Variants in LEFTY2 observed in about 807,000 individuals in gnomAD.
LEFTY2 encodes TGF-beta-4.
LEFTY2 carries 10 observed loss-of-function variants against 26.4 expected under a neutral mutation model. That is an observed-to-expected ratio of 0.38 (90% CI 0.23 to 0.64). The LOEUF (loss-of-function observed/expected upper bound fraction) is 0.64. Ranked by LOEUF, LEFTY2 falls within the 30% of genes least tolerant of loss-of-function variation. The pLI is 0.56. For synonymous variants in LEFTY2, 204 were observed against 234.1 expected, an observed-to-expected ratio of 0.87 and a Z score of 1.17; for missense variants, 407 against 502.1, an observed-to-expected ratio of 0.81 and a Z score of 1.81.
Position 225,937,573 on chromosome 1 carries a change from C to G in LEFTY2, c.969G>C (p.Ser323=). The change falls in exon 4 of 4, where the codon TCG becomes TCC. Residue 323 remains serine (S), a synonymous_variant. Coordinates refer to ENST00000366820, the MANE Select transcript of LEFTY2 (RefSeq NM_003240.5). ...PRQCIASETA[S]LPMIVSIKEG... ...CCTTGATGCTGACGATCATGGGCAG[C>G]GAGGCAGTCTCCGAGGCGATACACT... 6.2e-7 allele frequency: 1 copy of G among 1,614,062 alleles called. No individual in the cohort carries two copies. The highest frequency in any genetic ancestry group is 1.1e-5 in the South Asian group (1 of 91,074).
chr1:225,939,950 G>T lies in LEFTY2; in HGVS notation c.303C>A (p.Phe101Leu). ...TGGGCGGCAGCCGCTGCTCCATGCC[G>T]AACACCAGCAGGTGTGTGCTGGCCT... Reference protein sequence around the residue: ...ASEASTHLLVFGMEQRLPPNS... With the variant: ...ASEASTHLLVLGMEQRLPPNS... Residue 101 changes from phenylalanine to leucine, a missense_variant, in exon 2 of 4, where the codon TTC (phenylalanine) becomes TTA (leucine). Coordinates refer to ENST00000366820, the MANE Select transcript of LEFTY2 (RefSeq NM_003240.5). The surrounding 1 kb of genome is among the most constrained non-coding windows in gnomAD (Gnocchi z 4.1). The T allele has an allele frequency of 6.3e-7, 1 of 1,594,618 alleles. No individual in the cohort carries two copies. Among genetic ancestry groups the T allele is most frequent in the South Asian group, 1.1e-5 (1 of 90,698 alleles).
In LEFTY2 at chr1:225,940,413, G is replaced by A. The variant is rs376260376; in HGVS notation, c.251-411C>T. 7.2e-5 allele frequency among the ~76,000 whole-genome samples: 11 copies of A among 152,200 alleles called. No individual in the cohort carries two copies. The East Asian group carries it at 1.9e-3, about 27-fold the overall frequency. On this transcript the variant is annotated intron_variant, in intron 1 of 3. Coordinates refer to ENST00000366820, the MANE Select transcript of LEFTY2 (RefSeq NM_003240.5). ...TATCCAAACACGCTTCTATCCACAA[G>A]GACTCACTTTGACGTTCACAGTGCT...
intron 1 of LEFTY2, 159 bp from the exon 2 acceptor site, chr1:225,940,161 T>C (rs1672285696): frequency 2.5e-6 from 3 of 1,214,796 alleles, no homozygotes; most frequent in East Asian, 2.5e-5. Context: ...TGGGCCTTGT[T>C]TAGTAACAAT....
Position 225,941,033 on chromosome 1 carries a change from C to T in LEFTY2, c.108G>A (p.Gln36=), listed in dbSNP as rs778815939. Residue 36 remains glutamine, a synonymous_variant, in exon 1 of 4, where the codon CAG becomes CAA. Coordinates refer to ENST00000366820, the MANE Select transcript of LEFTY2 (RefSeq NM_003240.5). Reference sequence around the variant, plus strand: ...TGTCCAGTACGGGCACCTCGCTGAGCTGCAGCTGCCGCAGCAGGCTGCCCA... The same window carrying T: ...TGTCCAGTACGGGCACCTCGCTGAGTTGCAGCTGCCGCAGCAGGCTGCCCA... ...QLLGSLLRQL[Q]LSEVPVLDRA... is the part of the protein sequence containing the mutation. 2 of 1,611,532 alleles carry T rather than the reference C, an allele frequency of 1.2e-6. No individual in the cohort carries two copies. The highest frequency in any genetic ancestry group is 2.2e-5 in the South Asian group (2 of 91,046).
At chr1:225,940,740 C>G (rs1018428329) in intron 1 of LEFTY2, 151 bp downstream of exon 1, 1 of 1,219,676 alleles carries the variant, frequency 8.2e-7, no homozygotes, top group Non-Finnish European at 1.1e-6. Context: ...GACCCAGGCC[C>G]GGCTCCTCCT....
intron 3 of LEFTY2, among the ~76,000 whole-genome samples, chr1:225,938,597 G>A (rs371323286): frequency 1.3e-5 from 2 of 151,854 alleles, no homozygotes; most frequent in South Asian, 2.1e-4. Flanking sequence ...CAGGTGACCC[G>A]CTGGCCTCCA....
In LEFTY2 at chr1:225,939,756, C is replaced by T. The variant is rs755899491; in HGVS notation, c.497G>A (p.Arg166Lys). 3.7e-5 allele frequency: 59 copies of T among 1,596,186 alleles called. No individual in the cohort carries two copies. Among genetic ancestry groups the T allele is most frequent in the Non-Finnish European group, 4.8e-5 (56 of 1,174,016 alleles). Residue 166 changes from arginine (R) to lysine (K), a missense_variant and splice_region_variant, in exon 2 of 4, where the codon AGG (arginine) becomes AAG (lysine). Arg to Lys is a conservative substitution (Grantham distance 26). Transcript: ENST00000366820. The surrounding 1 kb of genome is among the most constrained non-coding windows in gnomAD (Gnocchi z 4.1). ...GSNRTSLIDSRLVSVHESGWK... is the reference protein window; with the variant it reads ...GSNRTSLIDSKLVSVHESGWK... The stretch of plus-strand genomic sequence containing the variant: ...CCCTGCGCGCCCGCGCGACCCCCAC[C>T]TGGAGTCGATGAGGGAGGTGCGGTT...
At chr1:225,938,500 C>T (rs1353262443) in intron 3 of LEFTY2, among the ~76,000 whole-genome samples, 1 of 151,932 alleles carries the variant, frequency 6.6e-6, no homozygotes, top group Non-Finnish European at 1.5e-5. Context: ...ATTACAGGCG[C>T]CCGCCACCAC....
rs1305089837 is a variant in LEFTY2 at position 225,936,763 on chromosome 1, T to C, written c.*678A>G. On this transcript the variant is annotated 3_prime_UTR_variant, in exon 4 of 4. Transcript: ENST00000366820. ...GGGCAAGGCTCAGTCTCCAGAGGAG[T>C]GGGCAGGGGTAGGTAGGGGCTGTCT... 6.5e-6 allele frequency: 1 copy of C among 152,788 alleles called. No homozygotes were observed. Among genetic ancestry groups the C allele is most frequent in the African/African-American group, 2.4e-5 (1 of 41,322 alleles). The allele number at this position is 152,788 out of a possible 1,614,324, so 9.5% of individuals were successfully genotyped here.
intron 1 of LEFTY2, among the ~76,000 whole-genome samples, chr1:225,940,387 T>C (rs528805493): frequency 6.6e-6 from 1 of 152,346 alleles, no homozygotes; most frequent in South Asian, 2.1e-4. Flanking sequence ...TATTTTTCAG[T>C]TATCCAAACA....
Position 225,937,478 on chromosome 1 carries a change from G to A in LEFTY2, c.1064C>T (p.Ser355Leu), listed in dbSNP as rs766277265. The A allele has an allele frequency of 3.7e-6, 6 of 1,614,020 alleles. No homozygotes were observed. Among genetic ancestry groups the A allele is most frequent in the South Asian group, 2.2e-5 (2 of 91,072 alleles). The change falls in exon 4 of 4, where the codon TCG becomes TTG. Residue 355 changes from serine to leucine, a missense_variant. By Grantham distance (145) the Ser-to-Leu change is moderately radical (BLOSUM62 -2). Coordinates refer to ENST00000366820, the MANE Select transcript of LEFTY2 (RefSeq NM_003240.5). ...CCTCCTTGGCACGAGCGCCCCATCC[G>A]AGGCACAGCTGCACTTCTGCACCCT... ...NMRVQKCSCA[S>L]DGALVPRRLQ...
chr1:225,939,477 A>T lies in LEFTY2; in HGVS notation c.621T>A (p.His207Gln), dbSNP rs746743976. 9 of 1,611,042 alleles carry T rather than the reference A, an allele frequency of 5.6e-6. No individual in the cohort carries two copies. Among genetic ancestry groups the T allele is most frequent in the Non-Finnish European group, 7.6e-6 (9 of 1,179,332 alleles). Residue 207 changes from histidine to glutamine, a missense_variant, in exon 3 of 4, where the codon CAT becomes CAA. Transcript: ENST00000366820. The surrounding 1 kb of genome is among the most constrained non-coding windows in gnomAD (Gnocchi z 4.1). ...GGGCGCCGGACGCCAGCGGGCCCAG[A>T]TGCTCCCTCTGCACCGACACCTGTA... Reference protein sequence around the residue: ...LLLQVSVQREHLGPLASGAHK... With the variant: ...LLLQVSVQREQLGPLASGAHK...
In LEFTY2 at chr1:225,941,043, CGCA is replaced by C; in HGVS notation, c.95_97del (p.Leu32del). On this transcript the variant is annotated inframe_deletion, in exon 1 of 4. Coordinates refer to ENST00000366820, the MANE Select transcript of LEFTY2 (RefSeq NM_003240.5). ...GGGCACCTCGCTGAGCTGCAGCTGC[CGCA>C]GCAGGCTGCCCAGGAGCTGCTCCTC... 6.2e-7 allele frequency: 1 copy of C among 1,612,294 alleles called. No individual in the cohort carries two copies. The highest frequency in any genetic ancestry group is 8.5e-7 in the Non-Finnish European group (1 of 1,179,540).
At position 225,939,407 on chromosome 1, in the gene LEFTY2, C is replaced by G. The variant is rs1249268121; in HGVS notation, c.691G>C (p.Gly231Arg). 6.8e-6 allele frequency: 11 copies of G among 1,613,042 alleles called. No individual in the cohort carries two copies. The highest frequency in any genetic ancestry group is 2.7e-5 in the African/African-American group (2 of 74,928). Residue 231 changes from glycine (G) to arginine (R), a missense_variant, in exon 3 of 4, where the codon GGG becomes CGG. Gly to Arg is a moderately radical substitution (Grantham distance 125, BLOSUM62 -2). Transcript: ENST00000366820. The surrounding 1 kb of genome is among the most constrained non-coding windows in gnomAD (Gnocchi z 4.1). ...FASQGAPAGL[G>R]EPQLELHTLD... is the part of the protein sequence containing the mutation. ...GTGTGCAGCTCCAGCTGGGGCTCCC[C>G]AAGCCCGGCTGGCGCCCCCTGCGAG...
At position 225,937,144 on chromosome 1, in the gene LEFTY2, T is replaced by A. The variant is rs80180076; in HGVS notation, c.*297A>T. On this transcript the variant is annotated 3_prime_UTR_variant, in exon 4 of 4. Transcript: ENST00000366820. ...TTATTGTTCCAGACTCAGTGAAGAA[T>A]TTGCCAGAGAACAGAAACTCCCAGC... The A allele has an allele frequency of 1.9e-4, 99 of 532,948 alleles. 1 individual carries two copies. The East Asian group carries it at 2.4e-3, about 13-fold the overall frequency. 33.0% of individuals were successfully genotyped at this position (532,948 alleles called of 1,614,324 possible).
Position 225,937,360 on chromosome 1 carries a change from C to T in LEFTY2, c.*81G>A. 1 of 1,602,566 alleles carries T rather than the reference C, an allele frequency of 6.2e-7. No individual in the cohort carries two copies. Among genetic ancestry groups the T allele is most frequent in the Non-Finnish European group, 8.5e-7 (1 of 1,175,520 alleles). The stretch of plus-strand genomic sequence containing the variant: ...CACTAAATTGGGATGGAGTAACTTG[C>T]TAAGTATAAAGTTAAGACCTACATT... On this transcript the variant is annotated 3_prime_UTR_variant, in exon 4 of 4. Coordinates refer to ENST00000366820, the MANE Select transcript of LEFTY2 (RefSeq NM_003240.5).
chr1:225,939,517 C>T lies in LEFTY2; in HGVS notation c.581G>A (p.Arg194Gln). 4 of 1,610,800 alleles carry T rather than the reference C, an allele frequency of 2.5e-6. No individual in the cohort carries two copies. Among genetic ancestry groups the T allele is most frequent in the Non-Finnish European group, 3.4e-6 (4 of 1,179,476 alleles). ...VNFWQQLSRP[R>Q]QPLLLQVSVQ... ...CGACACCTGTAGCAGCAGCGGCTGC[C>T]GGGGCCGGCTCAGCTGCTGCCAGAA... Residue 194 changes from arginine to glutamine, a missense_variant, in exon 3 of 4, where the codon CGG (arginine) becomes CAG (glutamine). Transcript: ENST00000366820. The surrounding 1 kb of genome is among the most constrained non-coding windows in gnomAD (Gnocchi z 4.1).
rs755576793 is a variant in LEFTY2, at chr1:225,937,749, G to A, written c.793C>T (p.Arg265Cys). ...TGCAGGTCAATGTACATCTCCTGGC[G>A]GCAGCAGCGGGTGCCCTCGGTCATT... ...APMTEGTRCC[R>C]QEMYIDLQGM... Residue 265 changes from arginine (R) to cysteine (C), a missense_variant, in exon 4 of 4, where the codon CGC becomes TGC. Arg to Cys is a radical substitution (Grantham distance 180, BLOSUM62 -3). Transcript: ENST00000366820. 20 of 1,611,280 alleles carry A rather than the reference G, an allele frequency of 1.2e-5. No individual in the cohort carries two copies. The highest frequency in any genetic ancestry group is 5.0e-5 in the Admixed American group (3 of 59,842).
chr1:225,940,405 A>C (rs571175971), intron 1 of LEFTY2, among the ~76,000 whole-genome samples: 35 of 152,346 alleles, frequency 2.3e-4, no homozygotes, highest in Middle Eastern at 6.8e-3. Context: ...ACACGCTTCT[A>C]TCCACAAGGA....
Sources: allele counts gnomAD v4.1 joint callset (sites outside exome capture counted in the v4.1 genomes callset), GRCh38; gene constraint gnomAD v4.1.1; non-coding constraint Gnocchi (gnomAD v3.1); transcripts MANE v1.5; gene names NCBI Gene and HGNC (gene_info 2026-07-23, HGNC 2026-07-21).